The following PRKCE variants were observed in gnomAD, a reference collection of about 807,000 sequenced individuals.
PRKCE encodes the protein protein kinase C epsilon.
A neutral mutation model predicts 85.4 loss-of-function variants in PRKCE; 16 were observed. The ratio of observed to expected loss-of-function variants is 0.19; its 90% confidence interval spans 0.13 to 0.28. PRKCE has a LOEUF of 0.28. PRKCE is among the 10% of genes least tolerant of loss of function. The probability of loss-of-function intolerance (pLI) is 1.00; values close to 1 mark genes in which losing one functional copy is unlikely to be tolerated. For missense variants in PRKCE, 573 were observed against 975.2 expected, an observed-to-expected ratio of 0.59 and a Z score of 5.49; for synonymous variants, 388 against 371.5, an observed-to-expected ratio of 1.04 and a Z score of -0.51.
chr2:46,070,378 G>T (rs115741732), intron 10 of PRKCE, among the ~76,000 whole-genome samples: 177 of 152,280 alleles, frequency 1.2e-3, no homozygotes, highest in Admixed American at 2.0e-3. Flanking sequence ...GCGCGGTGGC[G>T]CATGCCTGTA....
intron 11 of PRKCE, among the ~76,000 whole-genome samples, chr2:46,101,513 A>G (rs1671219187): frequency 6.6e-6 from 1 of 152,208 alleles, no homozygotes; most frequent in Non-Finnish European, 1.5e-5. Context: ...GTGGCTCTAC[A>G]GAATTTGTAT....
chr2:45,825,258 C>T (rs1042945089), intron 1 of PRKCE, among the ~76,000 whole-genome samples: 4 of 152,186 alleles, frequency 2.6e-5, no homozygotes, highest in Admixed American at 6.5e-5. Context: ...AGTAAGAGAG[C>T]ACCTTGGGCA....
intron 2 of PRKCE, among the ~76,000 whole-genome samples, chr2:45,965,017 G>C (rs569475175): frequency 4.7e-4 from 72 of 152,312 alleles, no homozygotes; most frequent in Admixed American, 7.8e-4. Flanking sequence ...TGCTAATCTT[G>C]AAATGCCACC....
intron 10 of PRKCE, among the ~76,000 whole-genome samples, chr2:46,055,562 C>A (rs1311852764): frequency 6.6e-6 from 1 of 152,230 alleles, no homozygotes; most frequent in Non-Finnish European, 1.5e-5. Flanking sequence ...TTTTATACCC[C>A]TACCAGATAG....
At chr2:45,911,948 T>C (rs1697410328) in intron 2 of PRKCE, among the ~76,000 whole-genome samples, 1 of 152,014 alleles carries the variant, frequency 6.6e-6, no homozygotes, top group South Asian at 2.1e-4. Context: ...CTTGTTGTGG[T>C]GGTGGTATTT....
intron 2 of PRKCE, among the ~76,000 whole-genome samples, chr2:45,859,392 A>G (rs1197551744): frequency 6.6e-6 from 1 of 152,178 alleles, no homozygotes; most frequent in Non-Finnish European, 1.5e-5. Flanking sequence ...TTGCTAGGTA[A>G]TAAGTTGTTT....
chr2:45,859,412 A>T (rs1314325183), intron 2 of PRKCE, among the ~76,000 whole-genome samples: 1 of 152,108 alleles, frequency 6.6e-6, no homozygotes, highest in Non-Finnish European at 1.5e-5. Context: ...TTCCAAAGTG[A>T]TTTTACCAGT....
intron 11 of PRKCE, among the ~76,000 whole-genome samples, chr2:46,124,555 A>C (rs986332513): frequency 4.6e-5 from 7 of 152,162 alleles, no homozygotes; most frequent in African/African-American, 1.7e-4. Context: ...CTGCCCTATC[A>C]CTTTGTGTTC....
chr2:45,927,935 G>T (rs541962663), intron 2 of PRKCE, among the ~76,000 whole-genome samples: 2 of 152,082 alleles, frequency 1.3e-5, no homozygotes, highest in Admixed American at 1.3e-4. Flanking sequence ...GCAGGAGAGG[G>T]TGGGGGGGCC....
intron 2 of PRKCE, among the ~76,000 whole-genome samples, chr2:45,926,685 G>A (rs377054282): frequency 3.3e-5 from 5 of 152,242 alleles, no homozygotes; most frequent in South Asian, 4.1e-4. Flanking sequence ...TCTTATTAAC[G>A]AACATTTTGT....
Position 46,023,109 on chromosome 2 carries a change from A to AAAAAAAT in PRKCE, c.1437+12593_1437+12594insAAAAATA, listed in dbSNP as rs1383340242. 3.7e-4 allele frequency among the ~76,000 whole-genome samples: 56 copies of AAAAAAAT among 150,948 alleles called. 1 individual carries two copies. The highest frequency in any genetic ancestry group is 1.3e-3 in the African/African-American group (54 of 40,776). On this transcript the variant is annotated intron_variant, in intron 10 of 14. Transcript: ENST00000306156. ...CGTCTCAAAAAAAAAAAAAAAAAAAAATCATCTATATAGATAGATCCCAAG... is the reference window on the plus strand; with the variant it reads ...CGTCTCAAAAAAAAAAAAAAAAAAAAAAAAAATATCATCTATATAGATAGATCCCAAG...
rs186106377 is a variant in PRKCE, at chr2:46,021,370, T to C, written c.1437+10853T>C. Among the ~76,000 whole-genome samples, 6 of 152,284 alleles carry C rather than the reference T, an allele frequency of 3.9e-5. No homozygotes were observed. In the East Asian group the frequency reaches 1.2e-3, roughly 29 times the overall value. The stretch of plus-strand genomic sequence containing the variant: ...CATAGCCTGACAGCTCTGCGTAGCC[T>C]GCATTAAAAGGAAAAATGAAAAGCA... On this transcript the variant is annotated intron_variant, in intron 10 of 14. Coordinates refer to ENST00000306156, the MANE Select transcript of PRKCE (RefSeq NM_005400.3).
rs138860801 is a variant in PRKCE, at chr2:45,663,841, G to T, written c.348+11393G>T. On this transcript the variant is annotated intron_variant, in intron 1 of 14. Coordinates refer to ENST00000306156, the MANE Select transcript of PRKCE (RefSeq NM_005400.3). ...TTTAGCATTTTGTGTTATGAGGGCAGTCAGGAGACCAGTTAAGATTAAAGT... is the reference window on the plus strand; with the variant it reads ...TTTAGCATTTTGTGTTATGAGGGCATTCAGGAGACCAGTTAAGATTAAAGT... Among the ~76,000 whole-genome samples, 48 of 151,758 alleles carry T rather than the reference G, an allele frequency of 3.2e-4. No individual in the cohort carries two copies. In the South Asian group the frequency reaches 4.0e-3, roughly 13 times the overall value.
chr2:46,122,965 T>G (rs1673465034), intron 11 of PRKCE, among the ~76,000 whole-genome samples: 1 of 147,062 alleles, frequency 6.8e-6, no homozygotes, highest in African/African-American at 2.5e-5. Context: ...TGAAGCCAAA[T>G]TATTTTTTAT....
At chr2:45,779,208 C>T (rs192123562) in intron 1 of PRKCE, among the ~76,000 whole-genome samples, 6 of 152,292 alleles carry the variant, frequency 3.9e-5, no homozygotes, top group Admixed American at 3.9e-4. Context: ...TCTAAGAATG[C>T]GCTGTCCAGA....
intron 2 of PRKCE, among the ~76,000 whole-genome samples, chr2:45,855,913 C>A (rs4953275): frequency 0.18 from 27,653 of 151,924 alleles, 2,838 homozygotes; most frequent in East Asian, 0.3. Flanking sequence ...GACCTACCTT[C>A]TGTCTTTGCT....
At chr2:45,945,127 A>G (rs1039010521) in intron 2 of PRKCE, among the ~76,000 whole-genome samples, 2 of 152,216 alleles carry the variant, frequency 1.3e-5, no homozygotes, top group Admixed American at 6.5e-5. Context: ...TGAGGATTTC[A>G]GTTTCAGAGG....
At chr2:46,015,271 A>G (rs1375026153) in intron 10 of PRKCE, among the ~76,000 whole-genome samples, 1 of 151,848 alleles carries the variant, frequency 6.6e-6, no homozygotes, top group Non-Finnish European at 1.5e-5. Flanking sequence ...CCAGATTTTT[A>G]GAGTCTGTGC....
At chr2:46,163,619 T>C (rs1213886218) in intron 14 of PRKCE, among the ~76,000 whole-genome samples, 3 of 97,694 alleles carry the variant, frequency 3.1e-5, no homozygotes, top group East Asian at 3.3e-4. Context: ...GAAGCTGAGC[T>C]TCATCCCCAC....
Sources: gnomAD v4.1 joint callset for allele counts (sites outside exome capture counted in the v4.1 genomes callset) on GRCh38, gnomAD v4.1.1 for gene constraint, MANE v1.5 for transcripts, NCBI Gene and HGNC (gene_info 2026-07-23, HGNC 2026-07-21) for gene names.